Variants in NME8 observed in about 807,000 individuals in gnomAD.
NME8 encodes the protein NME/NM23 family member 8.
NME8 carries 72 observed loss-of-function variants against 82.3 expected under a neutral mutation model. The observed-to-expected ratio is 0.87, with a 90% confidence interval of 0.72 to 1.06. The LOEUF is 1.06. Among genes scored for constraint, NME8 ranks in the 50% least tolerant of loss-of-function variants. The probability of loss-of-function intolerance (pLI) is 0.00; values close to 1 mark genes in which losing one functional copy is unlikely to be tolerated. For synonymous variants in NME8, 267 were observed against 228.5 expected (o/e 1.17, Z -1.52); for missense variants, 712 against 685.4 (o/e 1.04, Z -0.43).
At chr7:37,879,311 T>C (rs1324371120) in intron 12 of NME8, among the ~76,000 whole-genome samples, 1 of 151,934 alleles carries the variant, frequency 6.6e-6, no homozygotes, top group East Asian at 1.9e-4. Flanking sequence ...CATGCCCGGC[T>C]AATTTTTGTA....
At chr7:37,881,787 T>C (rs924765165) in intron 12 of NME8, among the ~76,000 whole-genome samples, 7 of 152,196 alleles carry the variant, frequency 4.6e-5, no homozygotes, top group Non-Finnish European at 1.0e-4. Flanking sequence ...CTAGTCCTGG[T>C]GCTGTATTTT....
intron 7 of NME8, 36 bp downstream of exon 7, chr7:37,862,180 C>A: frequency 7.2e-7 from 1 of 1,393,944 alleles, no homozygotes. Context: ...TGAAGACAAG[C>A]TTATCATTTA....
intron 15 of NME8, among the ~76,000 whole-genome samples, chr7:37,893,950 G>A (rs570388590): frequency 7.2e-5 from 11 of 152,106 alleles, no homozygotes; most frequent in Admixed American, 3.3e-4. Context: ...AGAAGAGGCC[G>A]TTTTACCAGA....
chr7:37,855,573 T>C (rs1784498596), intron 5 of NME8, among the ~76,000 whole-genome samples: 1 of 152,126 alleles, frequency 6.6e-6, no homozygotes, highest in South Asian at 2.1e-4. Flanking sequence ...CAGGTAGACA[T>C]CTTTTCTCCT....
In NME8 at chr7:37,888,324, A is replaced by G. The variant is rs1785074705; in HGVS notation, c.1295A>G (p.Tyr432Cys). 4 of 1,613,558 alleles carry G rather than the reference A, an allele frequency of 2.5e-6. No individual in the cohort carries two copies. The highest frequency in any genetic ancestry group is 3.4e-6 in the Non-Finnish European group (4 of 1,179,610). Reference sequence around the variant, plus strand: ...GACAGTTTGCCGGTCAACCAGTTGTATGGCAGCGATTCATTAGAAACCGCT... The same window carrying G: ...GACAGTTTGCCGGTCAACCAGTTGTGTGGCAGCGATTCATTAGAAACCGCT... ...AMDSLPVNQLYGSDSLETAER... is the reference protein window; with the variant it reads ...AMDSLPVNQLCGSDSLETAER... The change falls in exon 15 of 18, where the codon TAT (tyrosine) becomes TGT (cysteine). Residue 432 changes from tyrosine to cysteine, a missense_variant. Physicochemically the swap from Tyr to Cys is radical, Grantham distance 194. Transcript: ENST00000199447.
intron 5 of NME8, among the ~76,000 whole-genome samples, 188 bp from the exon 6 acceptor site, chr7:37,857,086 G>A (rs538471132): frequency 6.6e-6 from 1 of 152,258 alleles, no homozygotes; most frequent in East Asian, 1.9e-4. Context: ...GTGCGGAAAG[G>A]TTAAGGCCAA....
At chr7:37,850,756 A>C in intron 5 of NME8, 21 bp downstream of exon 5, 1 of 1,474,706 alleles carries the variant, frequency 6.8e-7, no homozygotes, top group Non-Finnish European at 9.5e-7. Flanking sequence ...TGTTTTCATT[A>C]AACCACTGTT....
rs568076891 is a variant in NME8 at position 37,882,547 on chromosome 7, G to A, written c.995-1756G>A. ...GGAAGGAGGGAGAGAGGGAGGAAGG[G>A]AAAGAAAGAAAGAAAGAAAGAAAGA... On this transcript the variant is annotated intron_variant, in intron 12 of 17. Coordinates refer to ENST00000199447, the MANE Select transcript of NME8 (RefSeq NM_016616.5). Among the ~76,000 whole-genome samples, 15 of 31,964 alleles carry A rather than the reference G, an allele frequency of 4.7e-4. No individual in the cohort carries two copies. In the Admixed American group the frequency reaches 5.8e-3, roughly 12 times the overall value. 21.0% of individuals were successfully genotyped at this position (31,964 alleles called of 152,430 possible).
chr7:37,856,539 C>A (rs1784513684), intron 5 of NME8, among the ~76,000 whole-genome samples: 1 of 152,136 alleles, frequency 6.6e-6, no homozygotes, highest in African/African-American at 2.4e-5. Flanking sequence ...TTACAGAAGA[C>A]CCTACCAAAC....
At chr7:37,867,115 C>T (rs1384641995) in intron 10 of NME8, among the ~76,000 whole-genome samples, 1 of 152,164 alleles carries the variant, frequency 6.6e-6, no homozygotes, top group African/African-American at 2.4e-5. Flanking sequence ...GCATTTGTGT[C>T]TGGTGAGCAG....
intron 17 of NME8, among the ~76,000 whole-genome samples, chr7:37,897,553 C>G (rs953524485): frequency 4.6e-5 from 7 of 152,038 alleles, no homozygotes; most frequent in Non-Finnish European, 8.8e-5. Context: ...ACAAACCAAA[C>G]CAAAACAAAA....
intron 12 of NME8, among the ~76,000 whole-genome samples, chr7:37,880,761 T>C (rs1784932155): frequency 1.3e-5 from 2 of 152,092 alleles, no homozygotes; most frequent in African/African-American, 4.8e-5. Flanking sequence ...AGTCTTGTTA[T>C]CTATGAATAT....
At chr7:37,882,640 AAAGAGAAAGAAAGAAAG>A (rs1369027497) in intron 12 of NME8, among the ~76,000 whole-genome samples, 4 of 133,008 alleles carry the variant, frequency 3.0e-5, no homozygotes, top group African/African-American at 1.1e-4. Flanking sequence ...AGAAAGAAAG[AAAGAGAAAGAAAGAAAG>A]AGAAAGAAAG....
intron 11 of NME8, among the ~76,000 whole-genome samples, chr7:37,872,586 C>T (rs1181683466): frequency 6.6e-6 from 1 of 152,164 alleles, no homozygotes; most frequent in East Asian, 1.9e-4. Context: ...ATTATAAGTT[C>T]AGTGGAGAAT....
intron 14 of NME8, among the ~76,000 whole-genome samples, chr7:37,886,738 C>T (rs1295081419): frequency 6.6e-6 from 1 of 152,068 alleles, no homozygotes; most frequent in Non-Finnish European, 1.5e-5. Flanking sequence ...CTGTTTCATT[C>T]AATCATTGTC....
Position 37,848,841 on chromosome 7 carries a change from C to T in NME8, c.-223C>T, listed in dbSNP as rs1784398711. The T allele has an allele frequency of 6.6e-6, 1 of 152,356 alleles. No homozygotes were observed. Among genetic ancestry groups the T allele is most frequent in the African/African-American group, 2.4e-5 (1 of 41,442 alleles). The allele number at this position is 152,356 out of a possible 1,614,324, so 9.4% of individuals were successfully genotyped here. On this transcript the variant is annotated 5_prime_UTR_variant, in exon 2 of 18. Transcript: ENST00000199447. ...CTTCCCAGACAGGCAGGGAATCCCT[C>T]TTCTTCCTTTTGCTGAATCAGCTGG...
In NME8 at chr7:37,894,331, C is replaced by T. The variant is rs551239456; in HGVS notation, c.1400-135C>T. 1.2e-4 allele frequency: 103 copies of T among 862,026 alleles called. 1 individual carries two copies. In the African/African-American group the frequency reaches 1.2e-3, roughly 10 times the overall value. The allele number at this position is 862,026 out of a possible 1,614,324, so 53.4% of individuals were successfully genotyped here. On this transcript the variant is annotated intron_variant, in intron 15 of 17. Coordinates refer to ENST00000199447, the MANE Select transcript of NME8 (RefSeq NM_016616.5). The stretch of plus-strand genomic sequence containing the variant: ...ATTTGGTGCTTTGGAATTTTAATTT[C>T]GTTTGGCAGAGTTTTGCCATGTTAA...
chr7:37,886,050 C>G (rs1016077759), intron 14 of NME8, among the ~76,000 whole-genome samples: 1 of 152,188 alleles, frequency 6.6e-6, no homozygotes, highest in African/African-American at 2.4e-5. Context: ...TACATGAAAG[C>G]TGAAGTGCTT....
chr7:37,863,119 C>CA (rs1200638732), intron 7 of NME8, among the ~76,000 whole-genome samples: 1 of 151,528 alleles, frequency 6.6e-6, no homozygotes, highest in Non-Finnish European at 1.5e-5. Context: ...GACTCCTACT[C>CA]AAAAAAAATT....
Sources: allele counts gnomAD v4.1 joint callset (sites outside exome capture counted in the v4.1 genomes callset), GRCh38; gene constraint gnomAD v4.1.1; transcripts MANE v1.5; gene names NCBI Gene and HGNC (gene_info 2026-07-23, HGNC 2026-07-21).